The following WDR7 variants were observed in gnomAD, a reference collection of about 807,000 sequenced individuals.
The protein encoded by WDR7 is WD repeat-containing protein 7.
A neutral mutation model predicts 169.4 loss-of-function variants in WDR7; 46 were observed. The observed-to-expected ratio is 0.27, with a 90% CI of 0.21 to 0.35. The LOEUF is 0.35. Ranked by LOEUF, WDR7 falls within the 10% of genes least tolerant of loss-of-function variation. The pLI is 1.00. For synonymous variants in WDR7, 612 were observed against 666.8 expected (o/e 0.92, Z 1.27); for missense variants, 1,534 against 1,859.3 (o/e 0.83, Z 3.22).
At chr18:57,018,998 C>T (rs887791484) in intron 26 of WDR7, among the ~76,000 whole-genome samples, 3 of 152,142 alleles carry the variant, frequency 2.0e-5, no homozygotes, top group African/African-American at 7.2e-5. Flanking sequence ...AAGTGCACTC[C>T]ATTTCTTAAA....
chr18:56,820,896 T>C (rs925093510), intron 20 of WDR7, among the ~76,000 whole-genome samples: 6 of 152,192 alleles, frequency 3.9e-5, no homozygotes, highest in African/African-American at 1.4e-4. Flanking sequence ...ACTTACATGA[T>C]TGATACCTAG....
chr18:56,665,242 G>T (rs1019717765), intron 1 of WDR7, among the ~76,000 whole-genome samples: 1 of 150,970 alleles, frequency 6.6e-6, no homozygotes, highest in Non-Finnish European at 1.5e-5. Flanking sequence ...GCAATGAGCC[G>T]AGATTGCACC....
intron 20 of WDR7, among the ~76,000 whole-genome samples, chr18:56,878,731 C>A (rs985903916): frequency 6.6e-6 from 1 of 152,124 alleles, no homozygotes. Context: ...ATTTTACCCC[C>A]ACTCCAGCCA....
chr18:56,918,482 G>A (rs2046660658), intron 21 of WDR7, among the ~76,000 whole-genome samples: 2 of 151,920 alleles, frequency 1.3e-5, no homozygotes, highest in Admixed American at 6.6e-5. Context: ...TAAAATGTGA[G>A]GGCATGTATT....
Position 56,962,508 on chromosome 18 carries a change from C to T in WDR7, c.4143C>T (p.Asp1381=), listed in dbSNP as rs772530342. Residue 1381 remains aspartate, a synonymous_variant, in exon 26 of 28, where the codon GAC becomes GAT. Transcript: ENST00000254442. ...GCCATGGTTCAGTGGCCCTGTACGA[C>T]ATCCGGACTGGAAAATGTCAGGTAA... ...GARHGSVALY[D]IRTGKCQTIH... 7 of 1,612,948 alleles carry T rather than the reference C, an allele frequency of 4.3e-6. No individual in the cohort carries two copies. The South Asian group carries it at 7.7e-5, about 18-fold the overall frequency.
intron 26 of WDR7, among the ~76,000 whole-genome samples, chr18:56,974,297 C>CCTTGT (rs904777681): frequency 2.0e-5 from 3 of 151,914 alleles, no homozygotes; most frequent in Admixed American, 2.0e-4. Context: ...GCACATCTTG[C>CCTTGT]CTTGTCTTGT....
At chr18:56,932,970 G>T (rs2046910341) in intron 22 of WDR7, among the ~76,000 whole-genome samples, 1 of 151,988 alleles carries the variant, frequency 6.6e-6, no homozygotes, top group South Asian at 2.1e-4. Context: ...ACCGGAGAAG[G>T]GATGGAAGCG....
intron 14 of WDR7, among the ~76,000 whole-genome samples, chr18:56,736,640 T>C (rs932533006): frequency 1.3e-5 from 2 of 151,414 alleles, no homozygotes; most frequent in African/African-American, 4.9e-5. Flanking sequence ...ACATTAAGAA[T>C]TGGGGTGTGT....
intron 26 of WDR7, among the ~76,000 whole-genome samples, chr18:56,980,241 A>G (rs962423054): frequency 2.0e-5 from 3 of 152,214 alleles, no homozygotes; most frequent in Admixed American, 6.5e-5. Context: ...TCCCTCAGCC[A>G]TATTTTTAAT....
Position 56,985,925 on chromosome 18 carries a change from A to G in WDR7, c.4164+23396A>G, listed in dbSNP as rs533206359. Among the ~76,000 whole-genome samples, 10 of 152,268 alleles carry G rather than the reference A, an allele frequency of 6.6e-5. No homozygotes were observed. In the South Asian group the frequency reaches 1.2e-3, roughly 19 times the overall value. On this transcript the variant is annotated intron_variant, in intron 26 of 27. Coordinates refer to ENST00000254442, the MANE Select transcript of WDR7 (RefSeq NM_015285.3). ...AACTGCTGTTACTATAGGAAAGGCAATATAGCTCAAAAAGGGGCAATTACT... is the reference window on the plus strand; with the variant it reads ...AACTGCTGTTACTATAGGAAAGGCAGTATAGCTCAAAAAGGGGCAATTACT...
intron 21 of WDR7, among the ~76,000 whole-genome samples, chr18:56,916,032 T>A (rs2046619513): frequency 6.6e-6 from 1 of 152,210 alleles, no homozygotes; most frequent in South Asian, 2.1e-4. Flanking sequence ...GGGCTTATGA[T>A]GGCTGGTTCT....
At chr18:56,696,498 G>A (rs764110110) in intron 12 of WDR7, 36 bp downstream of exon 12, 1 of 1,517,648 alleles carries the variant, frequency 6.6e-7, no homozygotes, top group Non-Finnish European at 9.0e-7. Context: ...TTTCACTATG[G>A]TAGAGCCAAG....
At chr18:56,729,031 GAC>G (rs1242307640) in intron 13 of WDR7, among the ~76,000 whole-genome samples, 1 of 152,142 alleles carries the variant, frequency 6.6e-6, no homozygotes, top group Non-Finnish European at 1.5e-5. Context: ...ATAAACTTTA[GAC>G]ACCAGAGATC....
intron 26 of WDR7, among the ~76,000 whole-genome samples, chr18:56,966,081 A>G (rs2047404313): frequency 6.6e-6 from 1 of 152,162 alleles, no homozygotes; most frequent in African/African-American, 2.4e-5. Flanking sequence ...AAAGGCAGAC[A>G]TGGTGGTGGG....
At chr18:56,928,147 A>C (rs1244447809) in intron 22 of WDR7, among the ~76,000 whole-genome samples, 4 of 152,208 alleles carry the variant, frequency 2.6e-5, no homozygotes, top group Non-Finnish European at 5.9e-5. Flanking sequence ...GTAGAACTTA[A>C]ACTGGGATTC....
At chr18:57,012,862 G>T (rs1291191884) in intron 26 of WDR7, among the ~76,000 whole-genome samples, 3 of 152,126 alleles carry the variant, frequency 2.0e-5, no homozygotes, top group Non-Finnish European at 2.9e-5. Context: ...CTGTGCCTCG[G>T]TCCCCTCATC....
At chr18:56,876,181 A>G (rs8092563) in intron 20 of WDR7, among the ~76,000 whole-genome samples, 135,274 of 152,038 alleles carry the variant, frequency 0.89, 60,293 homozygotes, top group East Asian at 0.98. Flanking sequence ...ATACCAAAAA[A>G]TATTCAGAGA....
chr18:56,743,976 G>A (rs900564092), intron 14 of WDR7, among the ~76,000 whole-genome samples: 1 of 152,192 alleles, frequency 6.6e-6, no homozygotes, highest in Admixed American at 6.5e-5. Flanking sequence ...CTGGGGCCGG[G>A]CGCGGTGGCT....
At chr18:56,682,244 T>C (rs1268222002) in intron 4 of WDR7, among the ~76,000 whole-genome samples, 1 of 152,212 alleles carries the variant, frequency 6.6e-6, no homozygotes, top group Non-Finnish European at 1.5e-5. Flanking sequence ...CTAGTAATTA[T>C]AAGCTTATAT....
Sources: allele counts gnomAD v4.1 joint callset (sites outside exome capture counted in the v4.1 genomes callset), GRCh38; gene constraint gnomAD v4.1.1; transcripts MANE v1.5; gene names NCBI Gene and HGNC (gene_info 2026-07-23, HGNC 2026-07-21).